TMEM132D: variants seen among roughly 807,000 people sequenced by gnomAD.
TMEM132D encodes the protein transmembrane protein 132D.
Under a neutral mutation model 62.3 loss-of-function variants are expected in TMEM132D, and 21 were observed. That is an observed-to-expected ratio of 0.34 (90% CI 0.24 to 0.49). The LOEUF (loss-of-function observed/expected upper bound fraction) is 0.49, where lower values mean the gene tolerates loss of function less well. Among genes scored for constraint, TMEM132D ranks in the 20% least tolerant of loss-of-function variants. The pLI, the probability that TMEM132D is intolerant of heterozygous loss-of-function variation, is 0.99. For synonymous variants in TMEM132D, 621 were observed against 575.6 expected (o/e 1.08, Z -1.13); for missense variants, 1,346 against 1,402.8 (o/e 0.96, Z 0.65).
At chr12:129,798,961 G>C (rs1466820785) in intron 1 of TMEM132D, among the ~76,000 whole-genome samples, 4 of 152,216 alleles carry the variant, frequency 2.6e-5, no homozygotes, top group African/African-American at 9.6e-5. Flanking sequence ...GACTGGAAGA[G>C]TTCACATAAA....
chr12:129,149,902 C>G (rs975259743), intron 5 of TMEM132D, among the ~76,000 whole-genome samples: 1 of 152,222 alleles, frequency 6.6e-6, no homozygotes, highest in Admixed American at 6.5e-5. Context: ...ACCGGCTTCT[C>G]CGGTGTGTAA....
intron 1 of TMEM132D, among the ~76,000 whole-genome samples, chr12:129,883,182 GTT>G (rs1874656741): frequency 6.6e-6 from 1 of 152,148 alleles, no homozygotes; most frequent in South Asian, 2.1e-4. Flanking sequence ...AAACAAGTGA[GTT>G]TAACACATAA....
chr12:129,264,705 G>T (rs1221761407), intron 4 of TMEM132D, among the ~76,000 whole-genome samples: 1 of 152,146 alleles, frequency 6.6e-6, no homozygotes, highest in Non-Finnish European at 1.5e-5. Context: ...AAGAAATTGT[G>T]GTATATATAT....
intron 2 of TMEM132D, among the ~76,000 whole-genome samples, chr12:129,634,843 G>C (rs534590923): frequency 6.6e-6 from 1 of 152,092 alleles, no homozygotes; most frequent in Middle Eastern, 3.4e-3. Flanking sequence ...TAGCACCTAA[G>C]AGTTTACAAA....
At chr12:129,689,351 C>G (rs777601738) in intron 2 of TMEM132D, among the ~76,000 whole-genome samples, 2 of 152,088 alleles carry the variant, frequency 1.3e-5, no homozygotes, top group Non-Finnish European at 1.5e-5. Context: ...AAATGGGGCA[C>G]CAAAAATCTA....
At chr12:129,089,512 C>CG (rs1555228857) in intron 5 of TMEM132D, among the ~76,000 whole-genome samples, 1 of 49,600 alleles carries the variant, frequency 2.0e-5, no homozygotes, top group African/African-American at 7.2e-5. Context: ...CCTCTATGAC[C>CG]GGGTGTCCTC....
rs77572292 is a variant in TMEM132D at position 129,263,286 on chromosome 12, A to T, written c.1300-53623T>A. Among the ~76,000 whole-genome samples, 420 of 152,122 alleles carry T rather than the reference A, an allele frequency of 2.8e-3. 2 individuals are homozygous for T. Among genetic ancestry groups the T allele is most frequent in the African/African-American group, 9.7e-3 (404 of 41,478 alleles). On this transcript the variant is annotated intron_variant, in intron 4 of 8. Transcript: ENST00000422113. ...TACTATACTCTGTTCAAATGACCCA[A>T]CTTGGGTATCTTTTGGTTTTGTTTT...
intron 3 of TMEM132D, among the ~76,000 whole-genome samples, chr12:129,471,498 C>T (rs1874091492): frequency 6.6e-6 from 1 of 152,156 alleles, no homozygotes; most frequent in East Asian, 1.9e-4. Flanking sequence ...TTCCTCCATC[C>T]TTCTCCCTCT....
In TMEM132D at chr12:129,494,567, G is replaced by A. The variant is rs142473890; in HGVS notation, c.1115+36492C>T. 6.6e-5 allele frequency among the ~76,000 whole-genome samples: 10 copies of A among 152,050 alleles called. No homozygotes were observed. In the East Asian group the frequency reaches 1.4e-3, roughly 21 times the overall value. On this transcript the variant is annotated intron_variant, in intron 3 of 8. Transcript: ENST00000422113. ...AGAAATGTACAAAGCAGTGTAAATC[G>A]GCTTATATATAATAGATTTTTCAGC...
intron 1 of TMEM132D, among the ~76,000 whole-genome samples, chr12:129,795,170 TTCATCCCTTCCA>T (rs1382888406): frequency 6.6e-6 from 1 of 152,226 alleles, no homozygotes; most frequent in African/African-American, 2.4e-5. Context: ...TACAGTTTCT[TTCATCCCTTCCA>T]GGAGCTGGTC....
intron 1 of TMEM132D, among the ~76,000 whole-genome samples, chr12:129,882,861 C>A (rs911742044): frequency 1.3e-5 from 2 of 152,190 alleles, no homozygotes; most frequent in African/African-American, 4.8e-5. Flanking sequence ...AAATTAGCAA[C>A]AGAGCAGAAC....
intron 2 of TMEM132D, among the ~76,000 whole-genome samples, chr12:129,595,776 C>T (rs75454426): frequency 1.1e-4 from 17 of 152,306 alleles, no homozygotes; most frequent in African/African-American, 1.9e-4. Context: ...AGATATGGGA[C>T]GGAGCCCAGG....
chr12:129,198,360 C>T (rs924976162), intron 5 of TMEM132D, among the ~76,000 whole-genome samples: 5 of 152,172 alleles, frequency 3.3e-5, no homozygotes, highest in Admixed American at 2.6e-4. Flanking sequence ...AGATGTCTCA[C>T]TTCTATGTTC....
chr12:129,534,267 T>C (rs1876315628), intron 2 of TMEM132D, among the ~76,000 whole-genome samples: 3 of 152,186 alleles, frequency 2.0e-5, no homozygotes, highest in Admixed American at 1.3e-4. Context: ...TTATGCTTAA[T>C]AATATATCTA....
intron 2 of TMEM132D, among the ~76,000 whole-genome samples, chr12:129,592,173 G>C (rs937248778): frequency 2.0e-5 from 3 of 152,000 alleles, no homozygotes; most frequent in Admixed American, 1.3e-4. Context: ...CCAAAACTCT[G>C]CAGAATATAA....
intron 1 of TMEM132D, among the ~76,000 whole-genome samples, chr12:129,727,245 G>A (rs146238367): frequency 8.5e-5 from 13 of 152,288 alleles, no homozygotes; most frequent in South Asian, 2.1e-4. Flanking sequence ...TTATGGTTCC[G>A]GAGGTTGGGA....
At chr12:129,447,715 G>A (rs1873145986) in intron 3 of TMEM132D, among the ~76,000 whole-genome samples, 1 of 152,190 alleles carries the variant, frequency 6.6e-6, no homozygotes, top group African/African-American at 2.4e-5. Context: ...CACTGGGGTA[G>A]TAGTGAAGTT....
At chr12:129,207,014 G>A (rs1047982823) in intron 5 of TMEM132D, among the ~76,000 whole-genome samples, 5 of 152,142 alleles carry the variant, frequency 3.3e-5, no homozygotes, top group Non-Finnish European at 7.3e-5. Flanking sequence ...CTTATTACCT[G>A]GGTGATGAAA....
At chr12:129,529,560 C>A (rs1382013923) in intron 3 of TMEM132D, among the ~76,000 whole-genome samples, 1 of 152,330 alleles carries the variant, frequency 6.6e-6, no homozygotes, top group East Asian at 1.9e-4. Flanking sequence ...ATAGACAAGA[C>A]TACAACTACT....
Sources: gnomAD v4.1 joint callset for allele counts (sites outside exome capture counted in the v4.1 genomes callset) on GRCh38, gnomAD v4.1.1 for gene constraint, MANE v1.5 for transcripts, NCBI Gene and HGNC (gene_info 2026-07-23, HGNC 2026-07-21) for gene names.